Variants in NLGN1 observed in about 807,000 individuals in gnomAD.
NLGN1 encodes the protein neuroligin-1.
Under a neutral mutation model 65.5 loss-of-function variants are expected in NLGN1, and 12 were observed. The ratio of observed to expected loss-of-function variants is 0.18; its 90% CI spans 0.12 to 0.30. The LOEUF (loss-of-function observed/expected upper bound fraction) is 0.30. Ranked by LOEUF, NLGN1 falls within the 10% of genes least tolerant of loss-of-function variation. The pLI, the probability that NLGN1 is intolerant of heterozygous loss-of-function variation, is 1.00. For synonymous variants in NLGN1, 350 were observed against 359.5 expected (o/e 0.97, Z 0.30); for missense variants, 750 against 1,007.1 (o/e 0.74, Z 3.46).
chr3:173,674,010 C>G (rs114260291), intron 3 of NLGN1, among the ~76,000 whole-genome samples: 4 of 152,096 alleles, frequency 2.6e-5, no homozygotes, highest in Non-Finnish European at 5.9e-5. Context: ...AAGTCATTTA[C>G]TTGGCCTACA....
chr3:173,665,994 C>G (rs1000190174), intron 3 of NLGN1, among the ~76,000 whole-genome samples: 39 of 152,064 alleles, frequency 2.6e-4, no homozygotes, highest in African/African-American at 9.2e-4. Flanking sequence ...CAGAAAATGG[C>G]TATTCATCCT....
chr3:173,428,114 A>G (rs13096847), intron 1 of NLGN1, among the ~76,000 whole-genome samples: 3 of 151,888 alleles, frequency 2.0e-5, no homozygotes, highest in Non-Finnish European at 2.9e-5. Context: ...TTTATCTGAT[A>G]TAAGTTTAGC....
rs185650554 is a variant in NLGN1, at chr3:173,895,078, G to A, written c.646+87246G>A. Among the ~76,000 whole-genome samples the A allele has an allele frequency of 2.4e-4, 36 of 152,206 alleles. No individual in the cohort carries two copies. The East Asian group carries it at 2.5e-3, about 11-fold the overall frequency. ...TTTCCTTGCTTTTTTGGTGCCGGGA[G>A]GGGGGGAGTTGTTGATCTAATAATT... On this transcript the variant is annotated intron_variant, in intron 4 of 6. Coordinates refer to ENST00000457714, the Ensembl canonical transcript of NLGN1.
exon 7 of NLGN1, chr3:174,282,292 G>A (rs1184139223): frequency 6.6e-6 from 1 of 151,956 alleles, no homozygotes; most frequent in African/African-American, 2.4e-5. Flanking sequence ...TCTGTATTTT[G>A]TTCCTTTTGG....
chr3:173,628,118 A>G (rs746367547), intron 3 of NLGN1, among the ~76,000 whole-genome samples: 14 of 152,156 alleles, frequency 9.2e-5, no homozygotes, highest in Non-Finnish European at 1.6e-4. Context: ...TCCCACCTGG[A>G]TAAGCAAGCT....
At chr3:173,691,336 C>T (rs1344362080) in intron 3 of NLGN1, among the ~76,000 whole-genome samples, 3 of 152,048 alleles carry the variant, frequency 2.0e-5, no homozygotes, top group African/African-American at 7.2e-5. Flanking sequence ...GTTTCTCCAT[C>T]CTCTGCATTT....
At chr3:173,832,658 G>A (rs1170819591) in intron 4 of NLGN1, among the ~76,000 whole-genome samples, 1 of 152,082 alleles carries the variant, frequency 6.6e-6, no homozygotes, top group Non-Finnish European at 1.5e-5. Flanking sequence ...TGTTAACTTA[G>A]GAAAGTATGA....
At position 174,141,254 on chromosome 3, in the gene NLGN1, A is replaced by G. The variant is rs148960506; in HGVS notation, c.647-134061A>G. Among the ~76,000 whole-genome samples the G allele has an allele frequency of 7.2e-3, 1,089 of 152,250 alleles. 17 individuals carry two copies. The highest frequency in any genetic ancestry group is 0.025 in the African/African-American group (1,043 of 41,552). On this transcript the variant is annotated intron_variant, in intron 4 of 6. Coordinates refer to ENST00000457714, the Ensembl canonical transcript of NLGN1. Reference sequence around the variant, plus strand: ...TTTTCAGGCAGTTAACAGGAATAGGATTATATCCTTCAGGAAATTTATAAG... The same window carrying G: ...TTTTCAGGCAGTTAACAGGAATAGGGTTATATCCTTCAGGAAATTTATAAG...
chr3:173,703,885 A>G (rs563117539), intron 3 of NLGN1, among the ~76,000 whole-genome samples: 1 of 152,148 alleles, frequency 6.6e-6, no homozygotes, highest in Non-Finnish European at 1.5e-5. Flanking sequence ...TTTATTGCTC[A>G]TAGCTTTCTT....
chr3:173,439,354 A>G (rs1718727394), intron 2 of NLGN1, among the ~76,000 whole-genome samples: 1 of 152,166 alleles, frequency 6.6e-6, no homozygotes, highest in Non-Finnish European at 1.5e-5. Context: ...GGAGCCAAAT[A>G]AGAAATATGC....
intron 4 of NLGN1, among the ~76,000 whole-genome samples, chr3:173,891,325 T>C (rs561664704): frequency 6.6e-6 from 1 of 152,282 alleles, no homozygotes; most frequent in South Asian, 2.1e-4. Flanking sequence ...GATAATCATA[T>C]CCCCTTAGAT....
At chr3:174,255,426 ACT>A (rs1745512119) in intron 4 of NLGN1, among the ~76,000 whole-genome samples, 1 of 112,614 alleles carries the variant, frequency 8.9e-6, no homozygotes, top group South Asian at 3.2e-4. Context: ...ATAGAGCAAG[ACT>A]CTGTCTCAAA....
chr3:173,929,781 C>T (rs925364310), intron 4 of NLGN1, among the ~76,000 whole-genome samples: 15 of 151,406 alleles, frequency 9.9e-5, no homozygotes, highest in African/African-American at 3.4e-4. Flanking sequence ...CTTGGCTCAC[C>T]GCAACTTCTG....
intron 2 of NLGN1, among the ~76,000 whole-genome samples, chr3:173,495,692 A>AT (rs1365101563): frequency 1.4e-5 from 2 of 142,212 alleles, no homozygotes; most frequent in African/African-American, 5.0e-5. Context: ...AAAAAAAAAA[A>AT]AAAAACTCTA....
chr3:173,612,678 C>T (rs1752489046), intron 3 of NLGN1, among the ~76,000 whole-genome samples: 4 of 152,086 alleles, frequency 2.6e-5, no homozygotes, highest in African/African-American at 9.7e-5. Context: ...ATTATATTTA[C>T]AAAAGCCTAT....
At chr3:173,686,044 A>G (rs1764638414) in intron 3 of NLGN1, among the ~76,000 whole-genome samples, 1 of 152,278 alleles carries the variant, frequency 6.6e-6, no homozygotes, top group Non-Finnish European at 1.5e-5. Context: ...GTGGCTAACA[A>G]CTATTTTTAA....
chr3:173,603,045 C>T (rs1017796179), intron 2 of NLGN1, among the ~76,000 whole-genome samples: 1 of 152,100 alleles, frequency 6.6e-6, no homozygotes, highest in Non-Finnish European at 1.5e-5. Context: ...TAGGCCAGAA[C>T]CAAATCTCCT....
intron 4 of NLGN1, among the ~76,000 whole-genome samples, chr3:173,969,002 A>G (rs536591767): frequency 6.6e-6 from 1 of 152,100 alleles, no homozygotes; most frequent in African/African-American, 2.4e-5. Context: ...CGCCCAGCCT[A>G]AAAACCATCT....
At chr3:173,592,934 C>G (rs762873397) in intron 2 of NLGN1, among the ~76,000 whole-genome samples, 126 of 152,266 alleles carry the variant, frequency 8.3e-4, no homozygotes, top group Non-Finnish European at 1.6e-3. Context: ...CTACCCTTCT[C>G]TCAGTTCACA....
Sources: gnomAD v4.1 joint callset for allele counts (sites outside exome capture counted in the v4.1 genomes callset) on GRCh38, gnomAD v4.1.1 for gene constraint, MANE v1.5 for transcripts, NCBI Gene and HGNC (gene_info 2026-07-23, HGNC 2026-07-21) for gene names.